The following TMEM184B variants were observed in gnomAD, a reference collection of about 807,000 sequenced individuals.
The protein encoded by TMEM184B is putative MAPK-activating protein FM08.
A neutral mutation model predicts 41.8 loss-of-function variants in TMEM184B; 17 were observed. The observed-to-expected ratio is 0.41, with a 90% confidence interval of 0.28 to 0.61. The LOEUF (loss-of-function observed/expected upper bound fraction) is 0.61, where lower values mean the gene tolerates loss of function less well. Among genes scored for constraint, TMEM184B ranks in the 20% least tolerant of loss-of-function variants. The pLI is 0.34. For synonymous variants in TMEM184B, 240 were observed against 229.5 expected (o/e 1.05, Z -0.41); for missense variants, 393 against 557.8 (o/e 0.70, Z 2.98).
chr22:38,234,802 C>T (rs1021622912), intron 3 of TMEM184B, among the ~76,000 whole-genome samples: 4 of 152,206 alleles, frequency 2.6e-5, no homozygotes, highest in African/African-American at 9.7e-5. Flanking sequence ...GCCATGGGCC[C>T]TGGAGACAGC....
intron 5 of TMEM184B, 150 bp from the exon 6 acceptor site, chr22:38,227,020 T>G (rs1602374508): frequency 6.1e-6 from 4 of 654,636 alleles, no homozygotes; most frequent in East Asian, 3.5e-5. Flanking sequence ...ACGGAGGGGA[T>G]GGAGGGACGA....
At chr22:38,251,095 A>G (rs1393547884) in intron 1 of TMEM184B, among the ~76,000 whole-genome samples, 4 of 152,194 alleles carry the variant, frequency 2.6e-5, no homozygotes, top group African/African-American at 4.8e-5. Context: ...CCTTCCTCCC[A>G]TAGCCTCCAG....
At chr22:38,245,883 T>TGCCCCCCCCCCC in intron 3 of TMEM184B, 52 bp downstream of exon 3, 1 of 1,288,710 alleles carries the variant, frequency 7.8e-7, no homozygotes, top group Admixed American at 2.0e-5. Flanking sequence ...GGACAGGGGC[T>TGCCCCCCCCCCC]CCCAGCCCCC....
At chr22:38,222,445 C>T (rs2091287178) in intron 8 of TMEM184B, 2 of 232,072 alleles carry the variant, frequency 8.6e-6, no homozygotes, top group Non-Finnish European at 1.4e-5. Flanking sequence ...GGGCATATTC[C>T]AGAACGAGAA....
Position 38,226,761 on chromosome 22 carries a change from G to A in TMEM184B, c.617+18C>T. 6.3e-7 allele frequency: 1 copy of A among 1,581,416 alleles called. No individual in the cohort carries two copies. Among genetic ancestry groups the A allele is most frequent in the East Asian group, 2.3e-5 (1 of 43,420 alleles). ...CCAACACTCCTCCCACACACCCCGG[G>A]GAGCACCCGCTGCTTACTCAAAGTC... On this transcript the variant is annotated intron_variant, in intron 6 of 8. Coordinates refer to ENST00000361906, the MANE Select transcript of TMEM184B (RefSeq NM_012264.5). The surrounding 1 kb of genome is among the most constrained non-coding windows in gnomAD (Gnocchi z 4.6).
chr22:38,262,464 C>T (rs935077019), intron 1 of TMEM184B, among the ~76,000 whole-genome samples: 1 of 152,064 alleles, frequency 6.6e-6, no homozygotes, highest in Admixed American at 6.5e-5. Context: ...AGCAAAGGCA[C>T]GGAGGTGGGG....
Position 38,242,286 on chromosome 22 carries a change from G to A in TMEM184B, c.358+3649C>T, listed in dbSNP as rs533389370. Reference sequence around the variant, plus strand: ...AGTTCAAGACCAGCCTAGGCAACACGGTGAAACCCCGTCTCTACTAAAATA... The same window carrying A: ...AGTTCAAGACCAGCCTAGGCAACACAGTGAAACCCCGTCTCTACTAAAATA... On this transcript the variant is annotated intron_variant, in intron 3 of 8. Coordinates refer to ENST00000361906, the MANE Select transcript of TMEM184B (RefSeq NM_012264.5). 3.1e-3 allele frequency among the ~76,000 whole-genome samples: 467 copies of A among 151,302 alleles called. 2 individuals are homozygous for A. Among genetic ancestry groups the A allele is most frequent in the African/African-American group, 0.011 (449 of 41,218 alleles).
chr22:38,232,890 C>T (rs1466560057), intron 3 of TMEM184B, among the ~76,000 whole-genome samples: 1 of 152,228 alleles, frequency 6.6e-6, no homozygotes, highest in African/African-American at 2.4e-5. Flanking sequence ...GATCCATCAA[C>T]CCCAGCTGGG....
intron 1 of TMEM184B, among the ~76,000 whole-genome samples, chr22:38,262,186 G>A (rs896576880): frequency 6.6e-6 from 1 of 152,246 alleles, no homozygotes; most frequent in African/African-American, 2.4e-5. Context: ...TGTGTGGGAG[G>A]CCCAAACAGG....
chr22:38,241,267 T>G (rs964155643), intron 3 of TMEM184B, among the ~76,000 whole-genome samples: 15 of 152,210 alleles, frequency 9.9e-5, no homozygotes, highest in Admixed American at 3.9e-4. Context: ...TTGGTTGGTT[T>G]GTTTTGTTTT....
intron 2 of TMEM184B, among the ~76,000 whole-genome samples, chr22:38,247,223 T>G (rs1050136587): frequency 3.3e-5 from 5 of 152,252 alleles, no homozygotes; most frequent in African/African-American, 9.6e-5. Flanking sequence ...AAGCGGTCCC[T>G]GTCCCTGTGC....
At chr22:38,268,282 G>A (rs1234161519) in intron 1 of TMEM184B, among the ~76,000 whole-genome samples, 1 of 151,726 alleles carries the variant, frequency 6.6e-6, no homozygotes, top group Admixed American at 6.6e-5. Flanking sequence ...TTGGGAGGCT[G>A]AGGCACGAGA....
Position 38,246,045 on chromosome 22 carries a change from C to T in TMEM184B, c.248G>A (p.Arg83His), listed in dbSNP as rs777423875. 3 of 1,613,292 alleles carry T rather than the reference C, an allele frequency of 1.9e-6. No individual in the cohort carries two copies. The highest frequency in any genetic ancestry group is 1.7e-6 in the Non-Finnish European group (2 of 1,180,020). Residue 83 changes from arginine to histidine, a missense_variant, in exon 3 of 9, where the codon CGC (arginine) becomes CAC (histidine). Coordinates refer to ENST00000361906, the MANE Select transcript of TMEM184B (RefSeq NM_012264.5). ...SCPNEQRYIV[R>H]ILFIVPIYAF... ...GTAGATGGGCACGATGAAGAGGATG[C>T]GCACGATGTAGCGCTGCTCGTTGGG... is the stretch of plus-strand genomic sequence containing the variant.
chr22:38,240,221 G>A (rs866642024), intron 3 of TMEM184B, among the ~76,000 whole-genome samples: 1 of 151,952 alleles, frequency 6.6e-6, no homozygotes, highest in African/African-American at 2.4e-5. Context: ...ACAATGTAGG[G>A]AACAGAAGAA....
chr22:38,226,903 G>A lies in TMEM184B; in HGVS notation c.526-33C>T. ...GGGGAAAAGGAGGTTGAGTGTGGAG[G>A]AGGAGCACAGAAGGCATGAAGCAAG... On this transcript the variant is annotated intron_variant, in intron 5 of 8. Coordinates refer to ENST00000361906, the MANE Select transcript of TMEM184B (RefSeq NM_012264.5). The surrounding 1 kb of genome is among the most constrained non-coding windows in gnomAD (Gnocchi z 4.6). The A allele has an allele frequency of 6.4e-7, 1 of 1,557,080 alleles. No individual in the cohort carries two copies. The highest frequency in any genetic ancestry group is 1.2e-5 in the South Asian group (1 of 84,672).
intron 3 of TMEM184B, among the ~76,000 whole-genome samples, chr22:38,245,575 G>A (rs1388928686): frequency 2.8e-5 from 4 of 144,040 alleles, no homozygotes; most frequent in South Asian, 4.7e-4. Context: ...TGCCTGAGAC[G>A]CCAGCATTGA....
In TMEM184B at chr22:38,219,920, A is replaced by C. The variant is rs2091213637; in HGVS notation, c.*1549T>G. 3 of 985,136 alleles carry C rather than the reference A, an allele frequency of 3.0e-6. No individual in the cohort carries two copies. The highest frequency in any genetic ancestry group is 1.1e-4 in the East Asian group (1 of 8,812). 61.0% of individuals were successfully genotyped at this position (985,136 alleles called of 1,614,324 possible). A position where few individuals can be genotyped will look rare whatever the true frequency, so the allele number is the denominator to read the frequency against. On this transcript the variant is annotated 3_prime_UTR_variant, in exon 9 of 9. Coordinates refer to ENST00000361906, the MANE Select transcript of TMEM184B (RefSeq NM_012264.5). Reference sequence around the variant, plus strand: ...GGCCTCTGCCACGAGGAAAGGAAGGAGGCCAGGAAGACGGCTGGGCCCCAA... The same window carrying C: ...GGCCTCTGCCACGAGGAAAGGAAGGCGGCCAGGAAGACGGCTGGGCCCCAA...
chr22:38,225,762 G>T lies in TMEM184B; in HGVS notation c.618-169C>A, dbSNP rs2091415564. On this transcript the variant is annotated intron_variant, in intron 6 of 8. Transcript: ENST00000361906. This position sits in a 1 kb window ranked among gnomAD's most constrained non-coding sequence, Gnocchi z 4.4. ...TGATCAAAGCGACAGACAGGGGTGG[G>T]GGTACATGGGGTGCGCCTGCAGGCC... Among the ~76,000 whole-genome samples, 1 of 152,178 alleles carries T rather than the reference G, an allele frequency of 6.6e-6. No individual in the cohort carries two copies. The highest frequency in any genetic ancestry group is 2.1e-4 in the South Asian group (1 of 4,836).
At chr22:38,217,520 T>C (rs1309798784), downstream of TMEM184B, among the ~76,000 whole-genome samples, 6 of 151,850 alleles carry the variant, frequency 4.0e-5, no homozygotes, top group East Asian at 1.2e-3. Flanking sequence ...CGGGCGCCTG[T>C]AGTCCCAGCT....
Sources: gnomAD v4.1 joint callset for allele counts (sites outside exome capture counted in the v4.1 genomes callset) on GRCh38, gnomAD v4.1.1 for gene constraint, Gnocchi (gnomAD v3.1) non-coding constraint, MANE v1.5 for transcripts, NCBI Gene and HGNC (gene_info 2026-07-23, HGNC 2026-07-21) for gene names.